MTUS1: variants seen among roughly 807,000 people sequenced by gnomAD.
The protein encoded by MTUS1 is microtubule associated scaffold protein 1.
In MTUS1, 109 loss-of-function variants were observed where a neutral mutation model predicts 120.8. That is an observed-to-expected ratio of 0.90 (90% CI 0.77 to 1.06). The LOEUF (loss-of-function observed/expected upper bound fraction) is 1.06, where lower values mean the gene tolerates loss of function less well. Among genes scored for constraint, MTUS1 ranks in the 50% least tolerant of loss-of-function variants. MTUS1 has a pLI of 0.00. For missense variants in MTUS1, 2,210 were observed against 1,486.3 expected (o/e 1.49, Z -8.01); for synonymous variants, 737 against 550.5 (o/e 1.34, Z -4.74).
At position 17,753,900 on chromosome 8, in the gene MTUS1, C is replaced by G; in HGVS notation, c.1908G>C (p.Lys636Asn). 1 of 1,614,132 alleles carries G rather than the reference C, an allele frequency of 6.2e-7. No individual in the cohort carries two copies. Among genetic ancestry groups the G allele is most frequent in the African/African-American group, 1.3e-5 (1 of 75,030 alleles). ...TTTTAACAGGGAGTATGCCTTTGAT[C>G]TTCTGAAACAACGCAGAAACGGACC... ...ETGSVSALFQ[K>N]IKGILPVKME... Residue 636 changes from lysine to asparagine, a missense_variant, in exon 2 of 15, where the codon AAG (lysine) becomes AAC (asparagine). Lys to Asn is a moderately conservative substitution (Grantham distance 94). Coordinates refer to ENST00000693296, the MANE Select transcript of MTUS1 (RefSeq NM_001363059.2).
intron 6 of MTUS1, chr8:17,697,106 A>T: frequency 2.0e-6 from 2 of 1,011,976 alleles, no homozygotes; most frequent in Non-Finnish European, 2.8e-6. Context: ...GAAGCAACAG[A>T]AAACAATTTT....
intron 6 of MTUS1, among the ~76,000 whole-genome samples, chr8:17,695,359 C>G (rs1435964006): frequency 6.6e-6 from 1 of 152,216 alleles, no homozygotes; most frequent in African/African-American, 2.4e-5. Flanking sequence ...TTAGTCCTAT[C>G]TCTGGCACTT....
At position 17,729,955 on chromosome 8, in the gene MTUS1, C is replaced by A. The variant is rs930825797; in HGVS notation, c.2288-6122G>T. On this transcript the variant is annotated intron_variant, in intron 3 of 14. Transcript: ENST00000693296. ...ATGCAAATCACAATCGCGCGAGATA[C>A]CACTTTGTACCTAATGGGATGCTAT... 5.4e-5 allele frequency among the ~76,000 whole-genome samples: 8 copies of A among 148,346 alleles called. No individual in the cohort carries two copies. The East Asian group carries it at 1.6e-3, about 29-fold the overall frequency.
At chr8:17,652,768 G>T (rs1490457138) in intron 12 of MTUS1, among the ~76,000 whole-genome samples, 1 of 151,518 alleles carries the variant, frequency 6.6e-6, no homozygotes, top group Non-Finnish European at 1.5e-5. Context: ...CCCAGGAGGT[G>T]GACGTTGCAG....
intron 6 of MTUS1, chr8:17,705,647 G>A (rs1422876472): frequency 2.6e-5 from 4 of 152,196 alleles, no homozygotes; most frequent in African/African-American, 9.7e-5. Context: ...ACTCTCACCA[G>A]AAGAAACCCT....
chr8:17,747,233 C>G (rs2047829808), intron 2 of MTUS1, among the ~76,000 whole-genome samples: 1 of 104,474 alleles, frequency 9.6e-6, no homozygotes, highest in South Asian at 3.6e-4. Flanking sequence ...CCCACCACAC[C>G]TACCTAGAGT....
intron 11 of MTUS1, 54 bp downstream of exon 11, chr8:17,653,371 T>C: frequency 6.5e-7 from 1 of 1,535,946 alleles, no homozygotes; most frequent in South Asian, 1.2e-5. Flanking sequence ...CCAAACAAAA[T>C]CAAAAATGAT....
intron 8 of MTUS1, among the ~76,000 whole-genome samples, chr8:17,658,999 C>A (rs1478930100): frequency 1.3e-5 from 2 of 152,098 alleles, no homozygotes; most frequent in African/African-American, 4.8e-5. Flanking sequence ...AAAACTATTT[C>A]TCGTTGCCTG....
At chr8:17,681,988 G>A (rs1261558746) in intron 7 of MTUS1, among the ~76,000 whole-genome samples, 1 of 151,966 alleles carries the variant, frequency 6.6e-6, no homozygotes, top group Non-Finnish European at 1.5e-5. Flanking sequence ...TAAGTTTTTG[G>A]AATCCAAGTG....
intron 6 of MTUS1, among the ~76,000 whole-genome samples, chr8:17,710,028 T>C (rs189179732): frequency 6.6e-6 from 1 of 152,036 alleles, no homozygotes; most frequent in East Asian, 1.9e-4. Context: ...ACACCTTAAT[T>C]TAAAAATATT....
At chr8:17,723,879 G>A (rs762623827) in intron 3 of MTUS1, 46 bp from the exon 4 acceptor site, 12 of 1,470,550 alleles carry the variant, frequency 8.2e-6, no homozygotes, top group Non-Finnish European at 1.1e-5. Flanking sequence ...TATTCATCCC[G>A]AAAGCTGGCA....
chr8:17,673,577 G>C (rs1339822010), intron 8 of MTUS1, among the ~76,000 whole-genome samples: 1 of 152,130 alleles, frequency 6.6e-6, no homozygotes, highest in Non-Finnish European at 1.5e-5. Context: ...TCACACTCCA[G>C]AGTAGCTGGG....
At chr8:17,797,490 C>T (rs1026930174) in intron 1 of MTUS1, among the ~76,000 whole-genome samples, 1 of 152,094 alleles carries the variant, frequency 6.6e-6, no homozygotes, top group South Asian at 2.1e-4. Flanking sequence ...TTATACTGGA[C>T]CATCCAAAAC....
At chr8:17,770,997 A>C (rs1310005743) in intron 1 of MTUS1, among the ~76,000 whole-genome samples, 1 of 152,190 alleles carries the variant, frequency 6.6e-6, no homozygotes, top group Non-Finnish European at 1.5e-5. Flanking sequence ...AAAGAAAAAA[A>C]GTTTTAAAGG....
intron 6 of MTUS1, among the ~76,000 whole-genome samples, chr8:17,686,593 CTCTT>C (rs1170775223): frequency 6.6e-6 from 1 of 152,176 alleles, no homozygotes; most frequent in Non-Finnish European, 1.5e-5. Flanking sequence ...ACATTTGCCT[CTCTT>C]TCTAGAATTT....
intron 2 of MTUS1, among the ~76,000 whole-genome samples, chr8:17,747,670 C>G (rs572039480): frequency 1.3e-5 from 2 of 152,270 alleles, no homozygotes; most frequent in African/African-American, 4.8e-5. Context: ...CCTGCCTTGC[C>G]CCCCACATCC....
chr8:17,694,857 G>A (rs939010311), intron 6 of MTUS1, among the ~76,000 whole-genome samples: 3 of 152,152 alleles, frequency 2.0e-5, no homozygotes, highest in Non-Finnish European at 4.4e-5. Context: ...CAAATCTTCA[G>A]CCAGAAATTC....
chr8:17,652,597 A>G (rs1048741032), intron 12 of MTUS1, among the ~76,000 whole-genome samples: 1 of 152,064 alleles, frequency 6.6e-6, no homozygotes, highest in Admixed American at 6.5e-5. Flanking sequence ...CTTTATGAAT[A>G]TACTAAAAGC....
chr8:17,695,707 T>TA (rs1349270603), intron 6 of MTUS1, among the ~76,000 whole-genome samples: 1 of 152,214 alleles, frequency 6.6e-6, no homozygotes, highest in African/African-American at 2.4e-5. Context: ...CTATTTTTTT[T>TA]AATGAGGTAG....
Sources: allele counts gnomAD v4.1 joint callset (sites outside exome capture counted in the v4.1 genomes callset), GRCh38; gene constraint gnomAD v4.1.1; transcripts MANE v1.5; gene names NCBI Gene and HGNC (gene_info 2026-07-23, HGNC 2026-07-21).